The following F11R variants were observed in gnomAD, a reference collection of about 807,000 sequenced individuals.
F11R encodes junctional adhesion molecule A.
F11R carries 27 observed loss-of-function variants against 39.3 expected under a neutral mutation model. The ratio of observed to expected loss-of-function variants is 0.69; its 90% CI spans 0.51 to 0.95. The LOEUF (loss-of-function observed/expected upper bound fraction) is 0.95, where lower values mean the gene tolerates loss of function less well. F11R is among the 40% of genes least tolerant of loss of function. The probability of loss-of-function intolerance (pLI) is 0.00; values close to 1 mark genes in which losing one functional copy is unlikely to be tolerated. For missense variants in F11R, 335 were observed against 372.7 expected (o/e 0.90, Z 0.83); for synonymous variants, 131 against 144.9 (o/e 0.90, Z 0.69).
At chr1:161,004,255 G>T (rs975832944) in intron 1 of F11R, among the ~76,000 whole-genome samples, 1 of 151,898 alleles carries the variant, frequency 6.6e-6, no homozygotes, top group African/African-American at 2.4e-5. Flanking sequence ...CATATAGCAT[G>T]GTTTTCAAAA....
chr1:161,015,427 T>TATAC (rs1553211275), intron 1 of F11R, among the ~76,000 whole-genome samples: 9 of 138,392 alleles, frequency 6.5e-5, no homozygotes, highest in African/African-American at 2.2e-4. Flanking sequence ...TATATATATA[T>TATAC]ACACACACAC....
chr1:161,019,366 CG>C (rs1429301414), intron 1 of F11R, among the ~76,000 whole-genome samples: 1 of 152,006 alleles, frequency 6.6e-6, no homozygotes, highest in East Asian at 1.9e-4. Context: ...GAGGCCGAGG[CG>C]GGTGGATCAC....
In F11R at chr1:160,999,899, G is replaced by A. The variant is rs758274072; in HGVS notation, c.671C>T (p.Ser224Leu). 6.2e-7 allele frequency: 1 copy of A among 1,614,220 alleles called. No homozygotes were observed. The highest frequency in any genetic ancestry group is 1.1e-5 in the South Asian group (1 of 91,086). ...ARNGYGTPMT[S>L]NAVRMEAVER... ...ACCAGCTTCCATGCGCACAGCATTT[G>A]AAGTCATGGGTGTCCCATACCCATT... The change falls in exon 6 of 10, where the codon TCA becomes TTA. Residue 224 changes from serine to leucine, a missense_variant. Coordinates refer to ENST00000368026, the MANE Select transcript of F11R (RefSeq NM_016946.6).
intron 1 of F11R, among the ~76,000 whole-genome samples, chr1:161,003,860 G>GTA (rs1648640502): frequency 6.6e-6 from 1 of 151,942 alleles, no homozygotes; most frequent in Non-Finnish European, 1.5e-5. Flanking sequence ...CGCCTCCCAG[G>GTA]TTCAGGAGAT....
rs565262137 is a variant in F11R, at chr1:160,998,118, G to A, written c.*753C>T. The A allele has an allele frequency of 4.6e-4, 70 of 152,620 alleles. No individual in the cohort carries two copies. Among genetic ancestry groups the A allele is most frequent in the African/African-American group, 1.6e-3 (68 of 41,566 alleles). 9.5% of individuals were successfully genotyped at this position (152,620 alleles called of 1,614,324 possible). On this transcript the variant is annotated 3_prime_UTR_variant, in exon 10 of 10. Transcript: ENST00000368026. ...GCTGATCTTGAACTCCTGACCTCAG[G>A]TGATCCGCCTGCCTCAGCCTCTGGG...
intron 1 of F11R, among the ~76,000 whole-genome samples, chr1:161,019,083 C>G (rs903892204): frequency 2.6e-5 from 4 of 152,152 alleles, no homozygotes; most frequent in African/African-American, 9.7e-5. Context: ...CAGACAAACA[C>G]TGTTACAAAT....
At chr1:161,012,297 A>G (rs1649203894) in intron 1 of F11R, among the ~76,000 whole-genome samples, 1 of 152,184 alleles carries the variant, frequency 6.6e-6, no homozygotes, top group East Asian at 1.9e-4. Flanking sequence ...TTTTCTAGAT[A>G]TCCTGTTAAT....
chr1:160,996,849 T>C lies in F11R; in HGVS notation c.*2022A>G, dbSNP rs554417238. 6.6e-6 allele frequency: 1 copy of C among 152,336 alleles called. No homozygotes were observed. The highest frequency in any genetic ancestry group is 2.4e-5 in the African/African-American group (1 of 41,442). The allele number at this position is 152,336 out of a possible 1,614,324, so 9.4% of individuals were successfully genotyped here. On this transcript the variant is annotated 3_prime_UTR_variant, in exon 10 of 10. Transcript: ENST00000368026. Reference sequence around the variant, plus strand: ...CATAAGCTCTACTTTATTTGTCTAGTTGGATTTCATTTCTTCTGGAAAATT... The same window carrying C: ...CATAAGCTCTACTTTATTTGTCTAGCTGGATTTCATTTCTTCTGGAAAATT...
At chr1:161,012,540 A>C (rs912259760) in intron 1 of F11R, among the ~76,000 whole-genome samples, 8 of 151,940 alleles carry the variant, frequency 5.3e-5, no homozygotes, top group African/African-American at 1.9e-4. Context: ...TGATCTCTAT[A>C]AAAATAAAAG....
intron 1 of F11R, among the ~76,000 whole-genome samples, chr1:161,017,940 G>A (rs1649552933): frequency 6.6e-6 from 1 of 152,288 alleles, no homozygotes; most frequent in African/African-American, 2.4e-5. Context: ...CCCTGCCCAC[G>A]CGGAACTCTT....
intron 1 of F11R, among the ~76,000 whole-genome samples, chr1:161,016,304 G>A (rs181607330): frequency 1.6e-3 from 245 of 152,128 alleles, no homozygotes; most frequent in African/African-American, 5.6e-3. Context: ...GTGAAACCTC[G>A]TCTCAACTAA....
Position 161,007,848 on chromosome 1 carries a change from G to GC in F11R, c.65-6496dup, listed in dbSNP as rs572090396. Among the ~76,000 whole-genome samples the GC allele has an allele frequency of 7.7e-3, 1,165 of 152,194 alleles. 19 individuals are homozygous for GC. Among genetic ancestry groups the GC allele is most frequent in the African/African-American group, 0.027 (1,111 of 41,512 alleles). ...TCATTGCAGCTGCCTTGGGAAGGCGGCCCCTTCTCTAGAACCTTCACAGCT... is the reference window on the plus strand; with the variant it reads ...TCATTGCAGCTGCCTTGGGAAGGCGGCCCCCTTCTCTAGAACCTTCACAGCT... On this transcript the variant is annotated intron_variant, in intron 1 of 9. Transcript: ENST00000368026.
intron 1 of F11R, among the ~76,000 whole-genome samples, chr1:161,011,655 AG>A (rs1425751236): frequency 2.0e-5 from 3 of 151,866 alleles, no homozygotes; most frequent in African/African-American, 7.3e-5. Flanking sequence ...GCTGGAGCCC[AG>A]GAAGTGGAGG....
chr1:160,999,217 G>A (rs1648316466), intron 8 of F11R, 126 bp from the exon 9 acceptor site: 6 of 1,258,368 alleles, frequency 4.8e-6, no homozygotes, highest in African/African-American at 2.7e-5. Flanking sequence ...ACAGGTATGG[G>A]TGGGGTAACA....
intron 7 of F11R, 64 bp from the exon 8 acceptor site, chr1:160,999,472 T>C (rs1373796503): frequency 6.2e-7 from 1 of 1,611,066 alleles, no homozygotes; most frequent in Non-Finnish European, 8.5e-7. Context: ...CTTGGGAAGA[T>C]GGAGGGGCAG....
At chr1:161,002,568 T>A (rs544035523) in intron 1 of F11R, 1 of 152,316 alleles carries the variant, frequency 6.6e-6, no homozygotes, top group South Asian at 2.1e-4. Flanking sequence ...GTTTTCAAAG[T>A]CAAATTCATG....
At position 161,001,329 on chromosome 1, in the gene F11R, G is replaced by A; in HGVS notation, c.89C>T (p.Thr30Ile). 2 of 1,614,094 alleles carry A rather than the reference G, an allele frequency of 1.2e-6. No individual in the cohort carries two copies. The highest frequency in any genetic ancestry group is 1.7e-6 in the Non-Finnish European group (2 of 1,179,998). Residue 30 changes from threonine (T) to isoleucine (I), a missense_variant, in exon 2 of 10, where the codon ACA becomes ATA. Transcript: ENST00000368026. Reference sequence around the variant, plus strand: ...GACTTCAGGTTCAGAAGAGTGCACTGTAACACTGCCCAATGCCAGGGAGCC... The same window carrying A: ...GACTTCAGGTTCAGAAGAGTGCACTATAACACTGCCCAATGCCAGGGAGCC... ...LLCSLALGSVTVHSSEPEVRI... is the reference protein window; with the variant it reads ...LLCSLALGSVIVHSSEPEVRI...
chr1:160,999,417 G>A lies in F11R; in HGVS notation c.803-9C>T. ...TCACCCTTTCTTTGTTCCTGAAAGA[G>A]AAGAAATGGGATCATGAGTGTCAGC... is the stretch of plus-strand genomic sequence containing the variant. On this transcript the variant is annotated splice_polypyrimidine_tract_variant and intron_variant, in intron 7 of 9. Transcript: ENST00000368026. 6.2e-7 allele frequency: 1 copy of A among 1,614,228 alleles called. No individual in the cohort carries two copies. Among genetic ancestry groups the A allele is most frequent in the Non-Finnish European group, 8.5e-7 (1 of 1,180,040 alleles).
intron 1 of F11R, among the ~76,000 whole-genome samples, chr1:161,010,556 T>C (rs1410694689): frequency 6.6e-6 from 1 of 152,136 alleles, no homozygotes; most frequent in Admixed American, 6.6e-5. Flanking sequence ...GTAGCTTTAT[T>C]GGACAAGCAA....
Sources: allele counts gnomAD v4.1 joint callset (sites outside exome capture counted in the v4.1 genomes callset), GRCh38; gene constraint gnomAD v4.1.1; transcripts MANE v1.5; gene names NCBI Gene and HGNC (gene_info 2026-07-23, HGNC 2026-07-21).